MYLIP: variants seen among roughly 807,000 people sequenced by gnomAD.
MYLIP encodes the protein E3 ubiquitin-protein ligase MYLIP.
In MYLIP, 26 loss-of-function variants were observed where a neutral mutation model predicts 45.8. The observed-to-expected ratio is 0.57, with a 90% confidence interval of 0.42 to 0.79. The LOEUF is 0.79. Among genes scored for constraint, MYLIP ranks in the 30% least tolerant of loss-of-function variants. The pLI, the probability that MYLIP is intolerant of heterozygous loss-of-function variation, is 0.00. For missense variants in MYLIP, 494 were observed against 555.6 expected, an observed-to-expected ratio of 0.89 and a Z score of 1.11; for synonymous variants, 213 against 218.1, an observed-to-expected ratio of 0.98 and a Z score of 0.21.
Position 16,145,131 on chromosome 6 carries a change from A to G in MYLIP, c.1062A>G (p.Ser354=). The change falls in exon 6 of 7, where the codon TCA becomes TCG. Residue 354 remains serine (S), a synonymous_variant. Transcript: ENST00000356840. ...CTTCACACTCGCCTCTGAAGTCCTC[A>G]GAAAGCAGCATGAACTGCAGCAGCT... ...QSPSHSPLKS[S]ESSMNCSSCE... 2 of 1,614,232 alleles carry G rather than the reference A, an allele frequency of 1.2e-6. No individual in the cohort carries two copies. The highest frequency in any genetic ancestry group is 1.7e-6 in the Non-Finnish European group (2 of 1,180,036).
At chr6:16,132,178 C>T (rs1011616) in intron 2 of MYLIP, among the ~76,000 whole-genome samples, 22,135 of 152,126 alleles carry the variant, frequency 0.15, 1,943 homozygotes, top group East Asian at 0.39. Flanking sequence ...TCTTCAGAAG[C>T]TTGGAGTACC....
the MYLIP span, chr6:16,163,756 C>T: frequency 6.6e-6 from 1 of 152,294 alleles, no homozygotes; most frequent in East Asian, 1.9e-4. Context: ...ATAAAATCAA[C>T]ATTGTCCATT....
chr6:16,140,557 A>T (rs1359431493), intron 2 of MYLIP, among the ~76,000 whole-genome samples: 2 of 152,192 alleles, frequency 1.3e-5, no homozygotes, highest in East Asian at 3.8e-4. Flanking sequence ...GGAATAGAGG[A>T]TTTGCATGTG....
At chr6:16,140,311 G>C (rs545486894) in intron 2 of MYLIP, among the ~76,000 whole-genome samples, 1 of 152,044 alleles carries the variant, frequency 6.6e-6, no homozygotes, top group Admixed American at 6.5e-5. Flanking sequence ...GTTTTGGGCA[G>C]TGTGACCAGT....
chr6:16,137,853 T>A (rs1018996876), intron 2 of MYLIP, among the ~76,000 whole-genome samples: 1 of 151,262 alleles, frequency 6.6e-6, no homozygotes, highest in Non-Finnish European at 1.5e-5. Context: ...ATTTTTAAAA[T>A]TAAAATTTGG....
intron 2 of MYLIP, among the ~76,000 whole-genome samples, chr6:16,138,291 A>T (rs1759596931): frequency 6.6e-6 from 1 of 151,498 alleles, no homozygotes; most frequent in Non-Finnish European, 1.5e-5. Context: ...GCTTGTTTTG[A>T]TATTATTGGT....
Position 16,141,661 on chromosome 6 carries a change from G to A in MYLIP, c.315G>A (p.Leu105=). The A allele has an allele frequency of 6.2e-7, 1 of 1,613,688 alleles. No homozygotes were observed. The highest frequency in any genetic ancestry group is 8.5e-7 in the Non-Finnish European group (1 of 1,179,716). The change falls in exon 3 of 7, where the codon TTG becomes TTA. Residue 105 remains leucine, a synonymous_variant. Transcript: ENST00000356840. ...IFFLHIKEAL[L]AGHLLCSPEQ... ...TCTTGCACATCAAGGAGGCCCTCTT[G>A]GCAGGCCACCTCTTGTGTTCCCCAG...
chr6:16,157,063 C>G, the MYLIP span, among the ~76,000 whole-genome samples: 1 of 152,238 alleles, frequency 6.6e-6, no homozygotes, highest in Non-Finnish European at 1.5e-5. Context: ...CCTGTCCCAC[C>G]TGCCATCCCA....
rs763636173 is a variant in MYLIP, at chr6:16,130,751, A to AC, written c.278+4_278+5insC. 7.4e-6 allele frequency: 12 copies of AC among 1,611,692 alleles called. No individual in the cohort carries two copies. ...TCATCTTACAGGAGCAGACTAGGTA[A>AC]AGTGAGCTAAAATAAACCAATGTCA... On this transcript the variant is annotated splice_donor_region_variant and intron_variant, in intron 2 of 6. Coordinates refer to ENST00000356840, the MANE Select transcript of MYLIP (RefSeq NM_013262.4).
At chr6:16,143,652 G>T in intron 4 of MYLIP, 47 bp from the exon 5 acceptor site, 2 of 1,598,210 alleles carry the variant, frequency 1.3e-6, no homozygotes, top group South Asian at 2.2e-5. Context: ...ACATGGTGAA[G>T]AATCACTCCT....
intron 3 of MYLIP, among the ~76,000 whole-genome samples, 154 bp downstream of exon 3, chr6:16,141,964 T>C (rs1759683139): frequency 6.6e-6 from 1 of 152,210 alleles, no homozygotes; most frequent in African/African-American, 2.4e-5. Context: ...TCATACATAA[T>C]ATACATGTTA....
At chr6:16,141,589 C>A (rs755258458) in intron 2 of MYLIP, 36 bp from the exon 3 acceptor site, 12 of 1,551,788 alleles carry the variant, frequency 7.7e-6, no homozygotes, top group Non-Finnish European at 1.1e-5. Context: ...GTCAGGTTAT[C>A]CCCAAGCATA....
downstream of MYLIP, among the ~76,000 whole-genome samples, chr6:16,152,873 C>A (rs1174672920): frequency 6.6e-6 from 1 of 152,020 alleles, no homozygotes; most frequent in Non-Finnish European, 1.5e-5. Flanking sequence ...ATTTGGGGAC[C>A]AGTGGGCAGT....
chr6:16,141,708 C>T lies in MYLIP; in HGVS notation c.362C>T (p.Ala121Val). Residue 121 changes from alanine (A) to valine (V), a missense_variant, in exon 3 of 7, where the codon GCC (alanine) becomes GTC (valine). Ala to Val is a moderately conservative substitution (Grantham distance 64, BLOSUM62 0). Coordinates refer to ENST00000356840, the MANE Select transcript of MYLIP (RefSeq NM_013262.4). ...CCAGAGCAGGCAGTGGAACTCAGTG[C>T]CCTCCTGGCCCAGACCAAGTTTGGA... is the stretch of plus-strand genomic sequence containing the variant. Reference protein sequence around the residue: ...CSPEQAVELSALLAQTKFGDY... With the variant: ...CSPEQAVELSVLLAQTKFGDY... The T allele has an allele frequency of 6.2e-7, 1 of 1,614,134 alleles. No homozygotes were observed. Among genetic ancestry groups the T allele is most frequent in the East Asian group, 2.2e-5 (1 of 44,876 alleles).
At chr6:16,152,943 TG>T (rs1344338306), downstream of MYLIP, among the ~76,000 whole-genome samples, 1 of 152,020 alleles carries the variant, frequency 6.6e-6, no homozygotes, top group East Asian at 1.9e-4. Flanking sequence ...TAATGGGAGA[TG>T]GGGTTGGGGA....
At chr6:16,152,909 G>A (rs1198495488), downstream of MYLIP, among the ~76,000 whole-genome samples, 1 of 152,198 alleles carries the variant, frequency 6.6e-6, no homozygotes, top group South Asian at 2.1e-4. Context: ...TACAGGGTAT[G>A]TGGTTGGATG....
chr6:16,143,698 G>C lies in MYLIP; in HGVS notation c.663-1G>C. On this transcript the variant is annotated splice_acceptor_variant, in intron 4 of 6. Transcript: ENST00000356840. LOFTEE classifies it high-confidence loss of function. ...CTTTCTTTTCTCTTCCTGTCTCTTA[G>C]GATAGCTTATCCTGTGGTGCAGATG... 6.2e-7 allele frequency: 1 copy of C among 1,613,792 alleles called. No individual in the cohort carries two copies. Among genetic ancestry groups the C allele is most frequent in the Non-Finnish European group, 8.5e-7 (1 of 1,179,850 alleles).
chr6:16,130,009 G>A (rs1759425165), intron 1 of MYLIP, among the ~76,000 whole-genome samples: 2 of 152,184 alleles, frequency 1.3e-5, no homozygotes, highest in African/African-American at 4.8e-5. Context: ...GAGGGAGATC[G>A]GTGCCAAATA....
At chr6:16,152,296 T>C (rs1759887894), downstream of MYLIP, among the ~76,000 whole-genome samples, 1 of 152,240 alleles carries the variant, frequency 6.6e-6, no homozygotes, top group African/African-American at 2.4e-5. Flanking sequence ...ACTTGGGCAT[T>C]GATTTATTAA....
Sources: allele counts gnomAD v4.1 joint callset (sites outside exome capture counted in the v4.1 genomes callset), GRCh38; gene constraint gnomAD v4.1.1; transcripts MANE v1.5; gene names NCBI Gene and HGNC (gene_info 2026-07-23, HGNC 2026-07-21).